The following HMBOX1 variants were observed in gnomAD, a reference collection of about 807,000 sequenced individuals.
HMBOX1 encodes the protein homeobox containing 1.
HMBOX1 carries 14 observed loss-of-function variants against 54.5 expected under a neutral mutation model. The observed-to-expected ratio is 0.26, with a 90% CI of 0.17 to 0.40. The LOEUF (loss-of-function observed/expected upper bound fraction) is 0.40, where lower values mean the gene tolerates loss of function less well. Ranked by LOEUF, HMBOX1 falls within the 10% of genes least tolerant of loss-of-function variation. The pLI is 1.00. For synonymous variants in HMBOX1, 160 were observed against 181.0 expected (o/e 0.88, Z 0.93); for missense variants, 332 against 514.4 (o/e 0.65, Z 3.43).
intron 4 of HMBOX1, among the ~76,000 whole-genome samples, chr8:28,981,721 CTTAA>C (rs1180873849): frequency 1.3e-5 from 2 of 151,954 alleles, no homozygotes; most frequent in South Asian, 2.1e-4. Context: ...CCCATCCAAT[CTTAA>C]TTAATGCAAA....
At position 28,970,343 on chromosome 8, in the gene HMBOX1, C is replaced by T. The variant is rs751623178; in HGVS notation, c.324C>T (p.Ser108=). The change falls in exon 3 of 10, where the codon TCC becomes TCT. Residue 108 remains serine (S), a synonymous_variant. Coordinates refer to ENST00000287701, the MANE Select transcript of HMBOX1 (RefSeq NM_001135726.3). This position sits in a 1 kb window ranked among gnomAD's most constrained non-coding sequence, Gnocchi z 4.3. ...SPSPSNSYDT[S]PQPCTTNQNG... ...CACCTAGCAACAGTTATGATACTTC[C>T]CCACAGCCTTGCACTACCAATCAAA... 9 of 1,614,034 alleles carry T rather than the reference C, an allele frequency of 5.6e-6. No individual in the cohort carries two copies. Among genetic ancestry groups the T allele is most frequent in the Admixed American group, 1.7e-5 (1 of 59,994 alleles).
chr8:28,969,238 A>G (rs1223655389), intron 2 of HMBOX1, among the ~76,000 whole-genome samples: 1 of 151,974 alleles, frequency 6.6e-6, no homozygotes, highest in Non-Finnish European at 1.5e-5. Context: ...GTATTTGACT[A>G]CTCCCTTAAT....
At chr8:29,003,080 T>G (rs1832877928) in intron 4 of HMBOX1, among the ~76,000 whole-genome samples, 1 of 145,358 alleles carries the variant, frequency 6.9e-6, no homozygotes, top group Non-Finnish European at 1.5e-5. Flanking sequence ...GAGTACAGTC[T>G]TGTCTTTTTT....
At chr8:28,920,747 T>G (rs1817410294) in intron 1 of HMBOX1, among the ~76,000 whole-genome samples, 1 of 152,128 alleles carries the variant, frequency 6.6e-6, no homozygotes, top group African/African-American at 2.4e-5. Flanking sequence ...TCTGCCTTGA[T>G]TTTTTAGAGG....
intron 6 of HMBOX1, among the ~76,000 whole-genome samples, chr8:29,038,130 T>C (rs1301430766): frequency 6.6e-6 from 1 of 152,262 alleles, no homozygotes; most frequent in African/African-American, 2.4e-5. Flanking sequence ...GGAGGAATTA[T>C]TTGGCTGCAA....
chr8:29,005,144 T>A (rs1173503033), intron 4 of HMBOX1, among the ~76,000 whole-genome samples: 1 of 152,198 alleles, frequency 6.6e-6, no homozygotes, highest in Non-Finnish European at 1.5e-5. Context: ...TTTATTAAAG[T>A]AATAATTATG....
intron 1 of HMBOX1, among the ~76,000 whole-genome samples, chr8:28,961,678 T>A (rs1261450971): frequency 6.6e-6 from 1 of 152,154 alleles, no homozygotes; most frequent in African/African-American, 2.4e-5. Context: ...TGATTCCACT[T>A]CTTTTGGATA....
At chr8:28,938,088 A>C (rs978881472) in intron 1 of HMBOX1, among the ~76,000 whole-genome samples, 1 of 152,178 alleles carries the variant, frequency 6.6e-6, no homozygotes, top group Non-Finnish European at 1.5e-5. Context: ...CTGGTATTGC[A>C]GGCCTCCTCA....
chr8:29,031,260 T>A (rs1379521761), intron 6 of HMBOX1, among the ~76,000 whole-genome samples: 1 of 152,246 alleles, frequency 6.6e-6, no homozygotes, highest in Non-Finnish European at 1.5e-5. Context: ...ATTCAGCGAA[T>A]GTTTTTCCAG....
intron 8 of HMBOX1, among the ~76,000 whole-genome samples, chr8:29,048,254 A>G (rs1805899513): frequency 1.3e-5 from 2 of 152,250 alleles, no homozygotes; most frequent in South Asian, 4.1e-4. Flanking sequence ...GTAATCATTT[A>G]TGTATATATA....
intron 1 of HMBOX1, among the ~76,000 whole-genome samples, chr8:28,894,504 G>T (rs1258184145): frequency 1.3e-5 from 2 of 152,058 alleles, no homozygotes; most frequent in Non-Finnish European, 2.9e-5. Context: ...TTAAAATACA[G>T]TTCTCTCAAA....
intron 1 of HMBOX1, among the ~76,000 whole-genome samples, chr8:28,905,824 T>C (rs761896494): frequency 6.6e-6 from 1 of 152,222 alleles, no homozygotes; most frequent in Non-Finnish European, 1.5e-5. Flanking sequence ...TCAGCCAGTC[T>C]CCTGCACTTT....
At chr8:29,034,070 C>A (rs1223272554) in intron 6 of HMBOX1, among the ~76,000 whole-genome samples, 1 of 152,146 alleles carries the variant, frequency 6.6e-6, no homozygotes, top group African/African-American at 2.4e-5. Context: ...ATTAAGAAAT[C>A]ATTATTGTTA....
chr8:29,009,972 A>C (rs1834018562), intron 5 of HMBOX1: 1 of 985,034 alleles, frequency 1.0e-6, no homozygotes, highest in Admixed American at 6.1e-5. Flanking sequence ...ACACAGACTA[A>C]AACACTAGTT....
chr8:29,001,349 A>G (rs1832610049), intron 4 of HMBOX1, among the ~76,000 whole-genome samples: 1 of 152,190 alleles, frequency 6.6e-6, no homozygotes, highest in African/African-American at 2.4e-5. Context: ...CAGGAGTTCA[A>G]GATCAGCCTG....
chr8:28,891,825 A>G (rs1811052428), intron 1 of HMBOX1: 1 of 152,316 alleles, frequency 6.6e-6, no homozygotes, highest in South Asian at 2.1e-4. Context: ...GGCATTAAAG[A>G]TAACACTATG....
At chr8:28,971,111 G>A (rs1421228984) in intron 3 of HMBOX1, among the ~76,000 whole-genome samples, 4 of 110,244 alleles carry the variant, frequency 3.6e-5, no homozygotes, top group African/African-American at 7.0e-5. Flanking sequence ...TTTTTTTTGA[G>A]ACAGAGTCTT....
intron 1 of HMBOX1, among the ~76,000 whole-genome samples, chr8:28,931,320 C>T (rs1377692397): frequency 6.6e-6 from 1 of 152,204 alleles, no homozygotes; most frequent in Non-Finnish European, 1.5e-5. Flanking sequence ...CGTGGAAACA[C>T]TAGTTTTGCT....
At chr8:29,047,755 T>C (rs1563646889) in intron 8 of HMBOX1, among the ~76,000 whole-genome samples, 1 of 151,882 alleles carries the variant, frequency 6.6e-6, no homozygotes. Flanking sequence ...TTAGTAGAGA[T>C]GGGGTGTCTC....
Sources: gnomAD v4.1 joint callset for allele counts (sites outside exome capture counted in the v4.1 genomes callset) on GRCh38, gnomAD v4.1.1 for gene constraint, Gnocchi (gnomAD v3.1) non-coding constraint, MANE v1.5 for transcripts, NCBI Gene and HGNC (gene_info 2026-07-23, HGNC 2026-07-21) for gene names.